The following RORA variants were observed in gnomAD, a reference collection of about 807,000 sequenced individuals.
RORA encodes the protein nuclear receptor ROR-alpha.
In RORA, 7 loss-of-function variants were observed where a neutral mutation model predicts 69.5. The ratio of observed to expected loss-of-function variants is 0.10; its 90% CI spans 0.06 to 0.19. RORA has a LOEUF of 0.19. RORA is among the 10% of genes least tolerant of loss of function. The pLI, the probability that RORA is intolerant of heterozygous loss-of-function variation, is 1.00. For synonymous variants in RORA, 261 were observed against 240.8 expected (o/e 1.08, Z -0.78); for missense variants, 457 against 663.0 (o/e 0.69, Z 3.41).
intron 1 of RORA, among the ~76,000 whole-genome samples, chr15:61,009,435 C>T (rs947572692): frequency 6.6e-6 from 1 of 152,142 alleles, no homozygotes; most frequent in Non-Finnish European, 1.5e-5. Context: ...TGGAAATACA[C>T]CAAGATGAAA....
At chr15:60,845,668 T>A (rs745718565) in intron 1 of RORA, among the ~76,000 whole-genome samples, 1 of 152,248 alleles carries the variant, frequency 6.6e-6, no homozygotes, top group African/African-American at 2.4e-5. Flanking sequence ...ATCTTCTAGT[T>A]GAGTTTGCTT....
At chr15:61,071,679 G>T in intron 1 of RORA, among the ~76,000 whole-genome samples, 1 of 96,302 alleles carries the variant, frequency 1.0e-5, no homozygotes, top group East Asian at 3.8e-4. Context: ...AGGGGAGAGG[G>T]GGGAGAGGGG....
chr15:60,711,737 G>T (rs2071146839), intron 1 of RORA, among the ~76,000 whole-genome samples: 3 of 152,184 alleles, frequency 2.0e-5, no homozygotes, highest in Admixed American at 2.0e-4. Flanking sequence ...TAAGAAAGAA[G>T]ATATTTCTTT....
At chr15:60,959,513 A>C (rs1893357572) in intron 1 of RORA, among the ~76,000 whole-genome samples, 1 of 152,194 alleles carries the variant, frequency 6.6e-6, no homozygotes, top group Non-Finnish European at 1.5e-5. Flanking sequence ...CAGGAGCCTT[A>C]AAATAAAAGG....
intron 1 of RORA, among the ~76,000 whole-genome samples, chr15:61,138,455 C>T (rs1202417177): frequency 1.3e-5 from 2 of 152,146 alleles, no homozygotes; most frequent in African/African-American, 4.8e-5. Context: ...CATTACTCCC[C>T]CAGGGTTACG....
At chr15:61,048,364 G>T (rs2140492572) in intron 1 of RORA, among the ~76,000 whole-genome samples, 1 of 152,268 alleles carries the variant, frequency 6.6e-6, no homozygotes, top group Non-Finnish European at 1.5e-5. Context: ...TCTTTCCAGT[G>T]AGCCAGGCCT....
At position 60,899,100 on chromosome 15, in the gene RORA, C is replaced by T. The variant is rs190962976; in HGVS notation, c.167-220414G>A. 4.9e-3 allele frequency among the ~76,000 whole-genome samples: 746 copies of T among 152,326 alleles called. 4 individuals are homozygous for T. The highest frequency in any genetic ancestry group is 0.017 in the African/African-American group (703 of 41,562). Reference sequence around the variant, plus strand: ...CATCTGCAGACCACTAGGGGTTGTTCGCAATGCAACAGAAACCACGTCTTA... The same window carrying T: ...CATCTGCAGACCACTAGGGGTTGTTTGCAATGCAACAGAAACCACGTCTTA... On this transcript the variant is annotated intron_variant, in intron 1 of 10. Transcript: ENST00000335670.
At chr15:60,892,502 T>C (rs1382983024) in intron 1 of RORA, among the ~76,000 whole-genome samples, 1 of 152,166 alleles carries the variant, frequency 6.6e-6, no homozygotes, top group Non-Finnish European at 1.5e-5. Context: ...TCCCCGCCTT[T>C]ATGCTTTTTT....
intron 1 of RORA, among the ~76,000 whole-genome samples, chr15:60,918,339 G>T (rs1410885226): frequency 6.6e-6 from 1 of 152,206 alleles, no homozygotes; most frequent in Non-Finnish European, 1.5e-5. Flanking sequence ...CTCTTCAGGA[G>T]AAAGTTACTG....
At chr15:60,664,489 A>C (rs2070352806) in intron 2 of RORA, among the ~76,000 whole-genome samples, 1 of 152,176 alleles carries the variant, frequency 6.6e-6, no homozygotes, top group African/African-American at 2.4e-5. Flanking sequence ...TCTATCAAAA[A>C]ATCAACTTCA....
chr15:60,826,985 C>T (rs769653705), intron 1 of RORA, among the ~76,000 whole-genome samples: 23 of 152,240 alleles, frequency 1.5e-4, no homozygotes, highest in Admixed American at 4.6e-4. Context: ...TACCAAAGCC[C>T]TCCGTGATGT....
intron 1 of RORA, among the ~76,000 whole-genome samples, chr15:60,920,309 A>C (rs1892004193): frequency 6.6e-6 from 1 of 152,222 alleles, no homozygotes; most frequent in Non-Finnish European, 1.5e-5. Context: ...TCTAAGGCTA[A>C]TCTCATCATC....
chr15:61,225,378 AG>A (rs1308767661), intron 1 of RORA, among the ~76,000 whole-genome samples: 2 of 152,146 alleles, frequency 1.3e-5, no homozygotes, highest in Non-Finnish European at 2.9e-5. Flanking sequence ...GCTAGGTAAG[AG>A]CACCTACTAG....
rs552678257 is a variant in RORA at position 60,523,942 on chromosome 15, C to T, written c.282+7824G>A. 6.6e-5 allele frequency among the ~76,000 whole-genome samples: 10 copies of T among 152,254 alleles called. No individual in the cohort carries two copies. The South Asian group carries it at 1.0e-3, about 16-fold the overall frequency. ...CTTCTGCCTAGGCCTCCCACAATGC[C>T]GGGATTACAGGCATGAGCCACTGCA... On this transcript the variant is annotated intron_variant, in intron 3 of 10. Coordinates refer to ENST00000335670, the MANE Select transcript of RORA (RefSeq NM_134261.3).
At chr15:60,567,669 T>G (rs1214250958) in intron 2 of RORA, among the ~76,000 whole-genome samples, 1 of 152,122 alleles carries the variant, frequency 6.6e-6, no homozygotes, top group Non-Finnish European at 1.5e-5. Context: ...CCTTGGCCTC[T>G]CAAAGTGCAG....
intron 1 of RORA, among the ~76,000 whole-genome samples, chr15:60,790,534 T>G (rs936193112): frequency 1.3e-5 from 2 of 152,216 alleles, no homozygotes; most frequent in Non-Finnish European, 2.9e-5. Context: ...ACTGCAAGTC[T>G]AGAACCTGAT....
At chr15:60,909,540 G>GA (rs1043812386) in intron 1 of RORA, among the ~76,000 whole-genome samples, 6 of 151,842 alleles carry the variant, frequency 4.0e-5, no homozygotes, top group Non-Finnish European at 4.4e-5. Context: ...GATGTACTCT[G>GA]AAAAAAAACC....
intron 2 of RORA, among the ~76,000 whole-genome samples, chr15:60,616,769 T>C (rs1164508766): frequency 6.6e-6 from 1 of 152,254 alleles, no homozygotes; most frequent in Non-Finnish European, 1.5e-5. Flanking sequence ...CGTTCTGTGG[T>C]TGAGGTACAT....
At position 60,851,727 on chromosome 15, in the gene RORA, A is replaced by T. The variant is rs570840756; in HGVS notation, c.167-173041T>A. Among the ~76,000 whole-genome samples, 50 of 146,990 alleles carry T rather than the reference A, an allele frequency of 3.4e-4. No individual in the cohort carries two copies. In the South Asian group the frequency reaches 7.5e-3, roughly 22 times the overall value. The stretch of plus-strand genomic sequence containing the variant: ...TTATATGTGTGTGTGTGTGTGTGAG[A>T]GAGAGTGTGTGTGTGTATGAGTGAG... On this transcript the variant is annotated intron_variant, in intron 1 of 10. Transcript: ENST00000335670.
Sources: gnomAD v4.1 joint callset for allele counts (sites outside exome capture counted in the v4.1 genomes callset) on GRCh38, gnomAD v4.1.1 for gene constraint, MANE v1.5 for transcripts, NCBI Gene and HGNC (gene_info 2026-07-23, HGNC 2026-07-21) for gene names.